The following KCNU1 variants were observed in gnomAD, a reference collection of about 807,000 sequenced individuals.
KCNU1 encodes the protein potassium channel subfamily U member 1.
Under a neutral mutation model 126.8 loss-of-function variants are expected in KCNU1, and 93 were observed. The observed-to-expected ratio is 0.73, with a 90% CI of 0.62 to 0.87. KCNU1 has a LOEUF of 0.87. KCNU1 is among the 40% of genes least tolerant of loss of function. The pLI is 0.00. For missense variants in KCNU1, 1,330 were observed against 1,367.1 expected (o/e 0.97, Z 0.43); for synonymous variants, 523 against 494.2 (o/e 1.06, Z -0.77).
intron 19 of KCNU1, among the ~76,000 whole-genome samples, chr8:36,876,647 T>C (rs887551350): frequency 5.9e-5 from 9 of 152,160 alleles, no homozygotes; most frequent in Non-Finnish European, 1.3e-4. Context: ...CAAGTTCTCC[T>C]CCTCCTCCCA....
In KCNU1 at chr8:36,784,410, C is replaced by G; in HGVS notation, c.-1C>G. 6.2e-7 allele frequency: 1 copy of G among 1,609,052 alleles called. No homozygotes were observed. The highest frequency in any genetic ancestry group is 1.1e-5 in the South Asian group (1 of 90,160). On this transcript the variant is annotated 5_prime_UTR_variant, in exon 1 of 27. Transcript: ENST00000399881. Reference sequence around the variant, plus strand: ...CAATTCCGTCTACTGATGTCTCGAACATGTTTCAGACTAAGCTACGAAATG... The same window carrying G: ...CAATTCCGTCTACTGATGTCTCGAAGATGTTTCAGACTAAGCTACGAAATG...
intron 21 of KCNU1, among the ~76,000 whole-genome samples, chr8:36,909,992 T>C (rs1807802678): frequency 6.6e-6 from 1 of 152,188 alleles, no homozygotes. Flanking sequence ...TAATGCCACA[T>C]GGTCCCTGAT....
intron 10 of KCNU1, among the ~76,000 whole-genome samples, chr8:36,819,203 G>C (rs953845655): frequency 6.6e-6 from 1 of 151,878 alleles, no homozygotes; most frequent in African/African-American, 2.4e-5. Context: ...ATTCTCTGTG[G>C]CTTCATATTT....
At chr8:36,910,812 G>C in intron 21 of KCNU1, 118 bp from the exon 22 acceptor site, 1 of 623,926 alleles carries the variant, frequency 1.6e-6, no homozygotes, top group Admixed American at 2.8e-5. Flanking sequence ...AATCAAGTCA[G>C]CAAAGGTTGG....
At chr8:36,920,705 G>A (rs768797796) in intron 23 of KCNU1, among the ~76,000 whole-genome samples, 1 of 152,150 alleles carries the variant, frequency 6.6e-6, no homozygotes, top group South Asian at 2.1e-4. Context: ...AGGCTCATGG[G>A]ATATTTGTGT....
At chr8:36,798,482 T>C (rs1182775826) in intron 2 of KCNU1, among the ~76,000 whole-genome samples, 1 of 152,220 alleles carries the variant, frequency 6.6e-6, no homozygotes, top group Non-Finnish European at 1.5e-5. Flanking sequence ...CATAGCTAGA[T>C]CTTTTTCTTC....
intron 23 of KCNU1, among the ~76,000 whole-genome samples, chr8:36,922,230 C>T (rs1808375800): frequency 6.6e-6 from 1 of 152,082 alleles, no homozygotes; most frequent in African/African-American, 2.4e-5. Context: ...CAGAACACTT[C>T]TTGAGAAACT....
At chr8:36,831,392 C>T (rs1306539249) in intron 10 of KCNU1, among the ~76,000 whole-genome samples, 5 of 151,748 alleles carry the variant, frequency 3.3e-5, no homozygotes, top group African/African-American at 1.2e-4. Flanking sequence ...AAAAGTGTTC[C>T]TATTTCTCCA....
At chr8:36,838,307 A>G (rs1454021935) in intron 14 of KCNU1, among the ~76,000 whole-genome samples, 1 of 152,240 alleles carries the variant, frequency 6.6e-6, no homozygotes, top group African/African-American at 2.4e-5. Context: ...ATGGAAATAA[A>G]TGGAATGTGA....
At chr8:36,933,077 A>G in intron 26 of KCNU1, 45 bp downstream of exon 26, 1 of 1,157,446 alleles carries the variant, frequency 8.6e-7, no homozygotes, top group South Asian at 1.3e-5. Context: ...ATTCAAGCAT[A>G]AGAACCAAAG....
At chr8:36,804,495 G>T (rs1054767936) in intron 3 of KCNU1, among the ~76,000 whole-genome samples, 2 of 152,152 alleles carry the variant, frequency 1.3e-5, no homozygotes, top group Non-Finnish European at 2.9e-5. Flanking sequence ...AAGCAACTTC[G>T]GATGGTATTG....
chr8:36,791,098 A>G (rs1224505286), intron 2 of KCNU1, among the ~76,000 whole-genome samples: 1 of 152,088 alleles, frequency 6.6e-6, no homozygotes, highest in African/African-American at 2.4e-5. Flanking sequence ...TCAAAAAAGC[A>G]TGTCCTCTAG....
intron 20 of KCNU1, among the ~76,000 whole-genome samples, chr8:36,906,865 A>T (rs1807649860): frequency 6.6e-6 from 1 of 152,140 alleles, no homozygotes; most frequent in Non-Finnish European, 1.5e-5. Flanking sequence ...TCTTATTCTG[A>T]ACTGTACGAA....
At chr8:36,895,744 G>A (rs1807164138) in intron 19 of KCNU1, among the ~76,000 whole-genome samples, 1 of 152,078 alleles carries the variant, frequency 6.6e-6, no homozygotes, top group Non-Finnish European at 1.5e-5. Context: ...CTTGATGCAA[G>A]TGCTAAAAAA....
chr8:36,891,453 T>C (rs1202342961), intron 19 of KCNU1, among the ~76,000 whole-genome samples: 1 of 151,978 alleles, frequency 6.6e-6, no homozygotes, highest in Non-Finnish European at 1.5e-5. Context: ...AAAGGATGGA[T>C]GGATGGATGC....
Position 36,784,375 on chromosome 8 carries a change from A to T in KCNU1, c.-36A>T, listed in dbSNP as rs545627938. The T allele has an allele frequency of 2.1e-5, 32 of 1,549,220 alleles. No homozygotes were observed. In the South Asian group the frequency reaches 3.8e-4, roughly 18 times the overall value. ...TTACCAGGCGACCACGGCGTCATCA[A>T]ATGACCTGGCAATTCCGTCTACTGA... On this transcript the variant is annotated 5_prime_UTR_variant, in exon 1 of 27. Transcript: ENST00000399881.
intron 19 of KCNU1, chr8:36,888,805 AAG>A (rs778979901): frequency 4.4e-5 from 23 of 523,188 alleles, no homozygotes; most frequent in African/African-American, 4.3e-4. Context: ...AGAGACCAGA[AAG>A]AGTGAAACTT....
At chr8:36,900,481 A>G (rs1470723323) in intron 19 of KCNU1, among the ~76,000 whole-genome samples, 1 of 152,120 alleles carries the variant, frequency 6.6e-6, no homozygotes, top group Non-Finnish European at 1.5e-5. Context: ...ATTTGACTAC[A>G]ATATGTGTAT....
rs776548203 is a variant in KCNU1, at chr8:36,784,406, C to T, written c.-5C>T. On this transcript the variant is annotated 5_prime_UTR_variant, in exon 1 of 27. It introduces an in-frame stop codon into an upstream open reading frame of the 5' UTR. Transcript: ENST00000399881. ...CTGGCAATTCCGTCTACTGATGTCT[C>T]GAACATGTTTCAGACTAAGCTACGA... is the stretch of plus-strand genomic sequence containing the variant. The T allele has an allele frequency of 3.7e-5, 60 of 1,607,176 alleles. No individual in the cohort carries two copies. Among genetic ancestry groups the T allele is most frequent in the South Asian group, 6.7e-5 (6 of 89,774 alleles).
Sources: gnomAD v4.1 joint callset for allele counts (sites outside exome capture counted in the v4.1 genomes callset) on GRCh38, gnomAD v4.1.1 for gene constraint, MANE v1.5 for transcripts, NCBI Gene and HGNC (gene_info 2026-07-23, HGNC 2026-07-21) for gene names.